Variants in CCDC154 observed in about 807,000 individuals in gnomAD.
CCDC154 encodes coiled-coil domain containing 154.
CCDC154 carries 91 observed loss-of-function variants against 87.5 expected under a neutral mutation model. The ratio of observed to expected loss-of-function variants is 1.04; its 90% confidence interval spans 0.88 to 1.24. The LOEUF (loss-of-function observed/expected upper bound fraction) is 1.24, where lower values mean the gene tolerates loss of function less well. Among genes scored for constraint, CCDC154 ranks in the 50% most tolerant of loss-of-function variants. CCDC154 has a pLI of 0.00. For synonymous variants in CCDC154, 418 were observed against 400.4 expected (o/e 1.04, Z -0.52); for missense variants, 903 against 879.2 (o/e 1.03, Z -0.34).
chr16:1,440,418 C>A (rs900310001), intron 6 of CCDC154, among the ~76,000 whole-genome samples: 3 of 149,366 alleles, frequency 2.0e-5, no homozygotes, highest in Non-Finnish European at 3.0e-5. Flanking sequence ...CCACTGCACT[C>A]CAGCCTGGGC....
intron 6 of CCDC154, 116 bp from the exon 7 acceptor site, chr16:1,439,242 C>T: frequency 1.1e-6 from 1 of 945,948 alleles, no homozygotes; most frequent in Non-Finnish European, 1.6e-6. Flanking sequence ...AGCCCTGAGC[C>T]CGGCTGAGCT....
chr16:1,443,638 C>G lies in CCDC154; in HGVS notation c.282G>C (p.Glu94Asp). 7.4e-7 allele frequency: 1 copy of G among 1,359,752 alleles called. No individual in the cohort carries two copies. 84.2% of individuals were successfully genotyped at this position (1,359,752 alleles called of 1,614,324 possible). The part of the protein sequence containing the change: ...ACLREHKQRC[E>D]RATRSLLREL... ...CCCGCAGCAGGCTCCGCGTGGCGCGCTCACAGCGCTGCTTGTGCTCCCGCA... is the reference window on the plus strand; with the variant it reads ...CCCGCAGCAGGCTCCGCGTGGCGCGGTCACAGCGCTGCTTGTGCTCCCGCA... Residue 94 changes from glutamate to aspartate, a missense_variant, in exon 3 of 17, where the codon GAG (glutamate) becomes GAC (aspartate). Transcript: ENST00000389176.
At chr16:1,436,561 C>T (rs1191569321) in intron 12 of CCDC154, 40 bp from the exon 13 acceptor site, 2 of 1,546,016 alleles carry the variant, frequency 1.3e-6, no homozygotes, top group East Asian at 2.4e-5. Context: ...CCCCAGGGCG[C>T]CATCTAGGAC....
chr16:1,443,921 G>C lies in CCDC154; in HGVS notation c.99C>G (p.Gly33=). ...LEDLGLLLAG[G]LASPEPLSLE... ...GGCTCAAGGGCTCGGGGCTGGCCAG[G>C]CCTCCTGCCAGGAGGAGCCCCAGGT... The change falls in exon 2 of 17, where the codon GGC becomes GGG. Residue 33 remains glycine (G), a synonymous_variant. Coordinates refer to ENST00000389176, the MANE Select transcript of CCDC154 (RefSeq NM_001143980.3). The C allele has an allele frequency of 7.7e-7, 1 of 1,304,018 alleles. No homozygotes were observed. Among genetic ancestry groups the C allele is most frequent in the Non-Finnish European group, 1.0e-6 (1 of 988,942 alleles). The allele number at this position is 1,304,018 out of a possible 1,614,324, so 80.8% of individuals were successfully genotyped here.
At position 1,443,829 on chromosome 16, in the gene CCDC154, T is replaced by G; in HGVS notation, c.191A>C (p.Asp64Ala). The G allele has an allele frequency of 7.7e-7, 1 of 1,304,508 alleles. No individual in the cohort carries two copies. The highest frequency in any genetic ancestry group is 1.0e-6 in the Non-Finnish European group (1 of 989,196). 80.8% of individuals were successfully genotyped at this position (1,304,508 alleles called of 1,614,324 possible). ...PTSTASVPEQ[D>A]TAKHWNQLEQ... ...CAGCTGGTTCCAGTGCTTGGCGGTG[T>G]CCTGCTCGGGGACAGAGGCCGTGGA... Residue 64 changes from aspartate to alanine, a missense_variant, in exon 2 of 17, where the codon GAC becomes GCC. Asp to Ala is a moderately radical substitution (Grantham distance 126, BLOSUM62 -2). Coordinates refer to ENST00000389176, the MANE Select transcript of CCDC154 (RefSeq NM_001143980.3).
intron 11 of CCDC154, 79 bp from the exon 12 acceptor site, chr16:1,436,890 T>G: frequency 6.6e-7 from 1 of 1,524,414 alleles, no homozygotes; most frequent in South Asian, 1.2e-5. Context: ...CGGGGAGCTC[T>G]GGGGAGCAGG....
intron 6 of CCDC154, among the ~76,000 whole-genome samples, chr16:1,441,930 TTTTG>T (rs2038555784): frequency 6.7e-6 from 1 of 149,436 alleles, no homozygotes; most frequent in Non-Finnish European, 1.5e-5. Flanking sequence ...TTTTGTTTTG[TTTTG>T]TTTTTTGAAA....
Position 1,443,959 on chromosome 16 carries a change from C to T in CCDC154, c.61G>A (p.Val21Ile), listed in dbSNP as rs201550182. 217 of 1,303,354 alleles carry T rather than the reference C, an allele frequency of 1.7e-4. No homozygotes were observed. The highest frequency in any genetic ancestry group is 7.2e-4 in the East Asian group (13 of 18,026). 80.7% of individuals were successfully genotyped at this position (1,303,354 alleles called of 1,614,324 possible). Residue 21 changes from valine to isoleucine, a missense_variant, in exon 2 of 17, where the codon GTC becomes ATC. By Grantham distance (29) the Val-to-Ile change is conservative. Transcript: ENST00000389176. ...GASAPSQLRA[V>I]TLEDLGLLLA... The stretch of plus-strand genomic sequence containing the variant: ...AGGAGCCCCAGGTCTTCCAGGGTGA[C>T]GGCTCTCAGCTGGGAAGGGGCCGAT...
chr16:1,435,293 G>A, intron 14 of CCDC154, 118 bp from the exon 15 acceptor site: 1 of 856,624 alleles, frequency 1.2e-6, no homozygotes, highest in Non-Finnish European at 1.9e-6. Flanking sequence ...GCCACCTGCT[G>A]AAATGCTGGT....
intron 11 of CCDC154, chr16:1,437,098 G>T (rs1381746945): frequency 2.2e-6 from 1 of 452,770 alleles, no homozygotes; most frequent in African/African-American, 2.0e-5. Flanking sequence ...GCCCCGAAAC[G>T]CAGGGTGTCG....
chr16:1,443,211 GCCA>G, intron 4 of CCDC154, 47 bp downstream of exon 4: 1 of 1,541,094 alleles, frequency 6.5e-7, no homozygotes, highest in Non-Finnish European at 8.7e-7. Flanking sequence ...CTGCTTTCTC[GCCA>G]CCACCTCCCC....
Position 1,436,734 on chromosome 16 carries a change from G to A in CCDC154, c.1368C>T (p.His456=). 1 of 1,550,426 alleles carries A rather than the reference G, an allele frequency of 6.4e-7. No homozygotes were observed. Among genetic ancestry groups the A allele is most frequent in the Non-Finnish European group, 8.7e-7 (1 of 1,146,942 alleles). ...CCACCTTCTCCCGCACCCCTCGCAG[G>A]TGTTCGGTCACCTCCTTCCGCCACC... ...LARWRKEVTE[H]LRGVREKVDG... Residue 456 remains histidine (H), a synonymous_variant, in exon 12 of 17, where the codon CAC becomes CAT. Transcript: ENST00000389176.
Position 1,442,796 on chromosome 16 carries a change from G to A in CCDC154, c.551+84C>T, listed in dbSNP as rs1252912095. 6 of 1,352,010 alleles carry A rather than the reference G, an allele frequency of 4.4e-6. No homozygotes were observed. The South Asian group carries it at 5.2e-5, about 12-fold the overall frequency. 83.8% of individuals were successfully genotyped at this position (1,352,010 alleles called of 1,614,324 possible). ...CCGGGTTACTGGGGACACACGGCAG[G>A]GGGACCCGTGTCTTGGCTCAGCCAG... On this transcript the variant is annotated intron_variant, in intron 5 of 16. Transcript: ENST00000389176.
At chr16:1,436,362 T>G (rs2038501814) in intron 13 of CCDC154, 83 bp downstream of exon 13, 2 of 1,187,658 alleles carry the variant, frequency 1.7e-6, no homozygotes, top group African/African-American at 1.5e-5. Context: ...ACCAGGGGAT[T>G]GTGGAGAGTA....
In CCDC154 at chr16:1,439,135, G is replaced by A; in HGVS notation, c.676-9C>T. 1 of 1,549,218 alleles carries A rather than the reference G, an allele frequency of 6.5e-7. No individual in the cohort carries two copies. Among genetic ancestry groups the A allele is most frequent in the Non-Finnish European group, 8.7e-7 (1 of 1,146,338 alleles). On this transcript the variant is annotated splice_polypyrimidine_tract_variant and intron_variant, in intron 6 of 16. Coordinates refer to ENST00000389176, the MANE Select transcript of CCDC154 (RefSeq NM_001143980.3). ...AGCTTGGTCACCTGGGCCTGGGGCG[G>A]AGGCACATTGTCCCGTGTGCAGCCT...
intron 5 of CCDC154, 124 bp downstream of exon 5, chr16:1,442,756 G>C: frequency 8.9e-7 from 1 of 1,118,860 alleles, no homozygotes; most frequent in Non-Finnish European, 1.3e-6. Context: ...GCTTGGCACC[G>C]AGGGCGGTGC....
intron 11 of CCDC154, chr16:1,437,563 G>C: frequency 2.2e-6 from 1 of 464,942 alleles, no homozygotes; most frequent in Non-Finnish European, 3.8e-6. Context: ...CGCATGGCCG[G>C]GCCGTGGGCC....
In CCDC154 at chr16:1,436,513, A is replaced by G. The variant is rs978113950; in HGVS notation, c.1419T>C (p.Ser473=). 5 of 1,548,880 alleles carry G rather than the reference A, an allele frequency of 3.2e-6. No homozygotes were observed. The highest frequency in any genetic ancestry group is 2.7e-5 in the African/African-American group (2 of 73,006). Residue 473 remains serine, a synonymous_variant, in exon 13 of 17, where the codon AGT becomes AGC. Coordinates refer to ENST00000389176, the MANE Select transcript of CCDC154 (RefSeq NM_001143980.3). ...KVDGLPQQIE[S]VSDKCLLHKS... ...TATGAAGCAGGCACTTGTCGGAGAC[A>G]CTCTCTATCTGAACACAGAGCCGGG...
Position 1,438,978 on chromosome 16 carries a change from C to T in CCDC154, c.778-35G>A, listed in dbSNP as rs781328839. The T allele has an allele frequency of 3.5e-5, 55 of 1,549,376 alleles. No individual in the cohort carries two copies. In the Admixed American group the frequency reaches 7.1e-4, roughly 20 times the overall value. ...GACCCCACTGTCAGCTGCAGGTCTGCGTCTGGGAAGGGGGGCAGGGCAGGC... is the reference window on the plus strand; with the variant it reads ...GACCCCACTGTCAGCTGCAGGTCTGTGTCTGGGAAGGGGGGCAGGGCAGGC... On this transcript the variant is annotated intron_variant, in intron 7 of 16. Transcript: ENST00000389176.
Sources: allele counts gnomAD v4.1 joint callset (sites outside exome capture counted in the v4.1 genomes callset), GRCh38; gene constraint gnomAD v4.1.1; transcripts MANE v1.5; gene names NCBI Gene and HGNC (gene_info 2026-07-23, HGNC 2026-07-21).